The following ST6GALNAC5 variants were observed in gnomAD, a reference collection of about 807,000 sequenced individuals.
The protein encoded by ST6GALNAC5 is ST6 N-acetylgalactosaminide alpha-2,6-sialyltransferase 5, also known as alpha-N-acetylgalactosaminide alpha-2,6-sialyltransferase 5.
In ST6GALNAC5, 27 loss-of-function variants were observed where a neutral mutation model predicts 33.6. The observed-to-expected ratio is 0.80, with a 90% CI of 0.59 to 1.11. The LOEUF is 1.11. Among genes scored for constraint, ST6GALNAC5 ranks in the 50% least tolerant of loss-of-function variants. The pLI is 0.00. For synonymous variants in ST6GALNAC5, 194 were observed against 171.2 expected (o/e 1.13, Z -1.04); for missense variants, 428 against 454.0 (o/e 0.94, Z 0.52).
At chr1:76,960,336 G>T (rs1236871237) in intron 2 of ST6GALNAC5, among the ~76,000 whole-genome samples, 1 of 152,140 alleles carries the variant, frequency 6.6e-6, no homozygotes. Context: ...AGGGGAGGGA[G>T]TGTATGAATA....
chr1:77,059,838 C>T (rs563503670), intron 4 of ST6GALNAC5, among the ~76,000 whole-genome samples: 120 of 152,158 alleles, frequency 7.9e-4, no homozygotes, highest in African/African-American at 2.8e-3. Flanking sequence ...GTTTCTTCTC[C>T]TCCATTTATT....
At chr1:76,867,764 G>A (rs1653375259) in intron 1 of ST6GALNAC5, 74 bp downstream of exon 1, 2 of 1,607,026 alleles carry the variant, frequency 1.2e-6, no homozygotes, top group Non-Finnish European at 1.7e-6. Flanking sequence ...ACGCACCGTG[G>A]AGACTCCGAG....
intron 2 of ST6GALNAC5, among the ~76,000 whole-genome samples, chr1:76,959,066 C>T (rs967433847): frequency 7.2e-5 from 11 of 152,170 alleles, no homozygotes; most frequent in African/African-American, 2.4e-4. Flanking sequence ...GCCTTCAGCG[C>T]TGGCTCTGCA....
At chr1:76,983,287 C>T (rs890767063) in intron 2 of ST6GALNAC5, among the ~76,000 whole-genome samples, 2 of 152,090 alleles carry the variant, frequency 1.3e-5, no homozygotes, top group African/African-American at 2.4e-5. Context: ...CAAAGACTCA[C>T]ATAGACTCAA....
chr1:76,939,967 T>C (rs1207190047), intron 2 of ST6GALNAC5, among the ~76,000 whole-genome samples: 2 of 152,100 alleles, frequency 1.3e-5, no homozygotes, highest in Non-Finnish European at 2.9e-5. Context: ...AGTACTTTCC[T>C]CATAGGGCAG....
intron 2 of ST6GALNAC5, among the ~76,000 whole-genome samples, chr1:76,934,388 C>T (rs1647175845): frequency 6.6e-6 from 1 of 152,030 alleles, no homozygotes. Flanking sequence ...AGTTATCTGT[C>T]TAACTGTGAC....
chr1:76,879,360 G>A (rs1294214434), intron 2 of ST6GALNAC5, among the ~76,000 whole-genome samples: 1 of 152,096 alleles, frequency 6.6e-6, no homozygotes, highest in Admixed American at 6.6e-5. Flanking sequence ...AAAGCAGAGT[G>A]GGCCCAAATC....
At chr1:76,898,126 T>A (rs181159781) in intron 2 of ST6GALNAC5, among the ~76,000 whole-genome samples, 17 of 152,010 alleles carry the variant, frequency 1.1e-4, no homozygotes, top group African/African-American at 3.6e-4. Context: ...GCCAGGTGAG[T>A]TGAACAGTCT....
chr1:76,902,577 C>T (rs142114839), intron 2 of ST6GALNAC5, among the ~76,000 whole-genome samples: 2,020 of 152,206 alleles, frequency 0.013, 47 homozygotes, highest in African/African-American at 0.046. Flanking sequence ...ATAGCCAAAA[C>T]AATCTTTAAA....
At chr1:77,048,577 A>G (rs1342427073) in intron 3 of ST6GALNAC5, among the ~76,000 whole-genome samples, 2 of 152,200 alleles carry the variant, frequency 1.3e-5, no homozygotes, top group African/African-American at 2.4e-5. Flanking sequence ...ATTAATACCT[A>G]TGTAGGCTGA....
At chr1:76,923,281 G>A (rs998465267) in intron 2 of ST6GALNAC5, among the ~76,000 whole-genome samples, 28 of 146,410 alleles carry the variant, frequency 1.9e-4, no homozygotes, top group South Asian at 2.2e-4. Flanking sequence ...ATTACCTAAT[G>A]AAAAAAAAAA....
Position 77,065,246 on chromosome 1 carries a change from A to G in ST6GALNAC5, c.*2040A>G, listed in dbSNP as rs1398267948. The G allele has an allele frequency of 6.6e-6, 1 of 152,216 alleles. No individual in the cohort carries two copies. Among genetic ancestry groups the G allele is most frequent in the African/African-American group, 2.4e-5 (1 of 41,456 alleles). 9.4% of individuals were successfully genotyped at this position (152,216 alleles called of 1,614,324 possible). On this transcript the variant is annotated 3_prime_UTR_variant, in exon 5 of 5. Transcript: ENST00000477717. ...ATAAGTGGCTCCTTTGGCAATTTCT[A>G]TATTTGTGGAAATTTGGAAAGGCAT...
intron 4 of ST6GALNAC5, among the ~76,000 whole-genome samples, chr1:77,053,873 C>G (rs561100785): frequency 6.6e-6 from 1 of 152,248 alleles, no homozygotes; most frequent in East Asian, 1.9e-4. Flanking sequence ...ATGGGCTGCT[C>G]AAAGTGTGCC....
In ST6GALNAC5 at chr1:76,868,375, G is replaced by T. The variant is rs1377897519; in HGVS notation, c.16-122G>T. 7.8e-6 allele frequency: 11 copies of T among 1,403,352 alleles called. No homozygotes were observed. In the African/African-American group the frequency reaches 1.0e-4, roughly 13 times the overall value. 86.9% of individuals were successfully genotyped at this position (1,403,352 alleles called of 1,614,324 possible). On this transcript the variant is annotated intron_variant, in intron 1 of 4. Coordinates refer to ENST00000477717, the MANE Select transcript of ST6GALNAC5 (RefSeq NM_030965.3). This position sits in a 1 kb window ranked among gnomAD's most constrained non-coding sequence, Gnocchi z 4.3. The stretch of plus-strand genomic sequence containing the variant: ...GTCCCAGTTGCGTGCGGCGGGGCTG[G>T]GGCCCAGGCCGCCCCAAATCTCCCC...
At chr1:76,994,205 C>T (rs1024179648) in intron 2 of ST6GALNAC5, among the ~76,000 whole-genome samples, 4 of 152,128 alleles carry the variant, frequency 2.6e-5, no homozygotes, top group Non-Finnish European at 5.9e-5. Context: ...CACCAAAAGC[C>T]TTCCAGGACA....
At chr1:76,904,221 T>A (rs764805108) in intron 2 of ST6GALNAC5, among the ~76,000 whole-genome samples, 2 of 152,142 alleles carry the variant, frequency 1.3e-5, no homozygotes, top group Non-Finnish European at 2.9e-5. Flanking sequence ...GAAAGTCTAC[T>A]ACACATGTCT....
At chr1:76,917,623 C>T (rs2100291907) in intron 2 of ST6GALNAC5, among the ~76,000 whole-genome samples, 1 of 151,406 alleles carries the variant, frequency 6.6e-6, no homozygotes, top group Admixed American at 6.6e-5. Context: ...GAATCAAAAA[C>T]AATAGGCATT....
At chr1:76,992,872 T>G (rs78866160) in intron 2 of ST6GALNAC5, among the ~76,000 whole-genome samples, 6 of 152,208 alleles carry the variant, frequency 3.9e-5, no homozygotes, top group Non-Finnish European at 5.9e-5. Flanking sequence ...CAAAACAGTA[T>G]GCACACACTT....
At chr1:77,027,104 A>T (rs1408804434) in intron 2 of ST6GALNAC5, among the ~76,000 whole-genome samples, 1 of 152,250 alleles carries the variant, frequency 6.6e-6, no homozygotes, top group Non-Finnish European at 1.5e-5. Context: ...AGCAAGCAGC[A>T]GGTGCCAGTG....
Sources: gnomAD v4.1 joint callset for allele counts (sites outside exome capture counted in the v4.1 genomes callset) on GRCh38, gnomAD v4.1.1 for gene constraint, Gnocchi (gnomAD v3.1) non-coding constraint, MANE v1.5 for transcripts, NCBI Gene and HGNC (gene_info 2026-07-23, HGNC 2026-07-21) for gene names.